The following ZDHHC1 variants were observed in gnomAD, a reference collection of about 807,000 sequenced individuals.
ZDHHC1 encodes zDHHC palmitoyltransferase 1.
Under a neutral mutation model 46.9 loss-of-function variants are expected in ZDHHC1, and 45 were observed. The observed-to-expected ratio is 0.96, with a 90% CI of 0.76 to 1.23. ZDHHC1 has a LOEUF of 1.23. ZDHHC1 is among the 50% of genes most tolerant of loss of function. ZDHHC1 has a pLI of 0.00. For missense variants in ZDHHC1, 649 were observed against 670.8 expected, an observed-to-expected ratio of 0.97 and a Z score of 0.36; for synonymous variants, 291 against 286.0, an observed-to-expected ratio of 1.02 and a Z score of -0.18.
intron 8 of ZDHHC1, chr16:67,395,814 C>T (rs575230559): frequency 3.7e-5 from 20 of 539,290 alleles, no homozygotes; most frequent in African/African-American, 3.2e-4. Flanking sequence ...GGAAGGCTCC[C>T]AGCCCCCATG....
At chr16:67,409,985 G>A (rs1026481137) in intron 1 of ZDHHC1, among the ~76,000 whole-genome samples, 2 of 136,582 alleles carry the variant, frequency 1.5e-5, no homozygotes, top group African/African-American at 5.3e-5. Flanking sequence ...GACAGGTGGC[G>A]GGGGTGGGGG....
Position 67,400,975 on chromosome 16 carries a change from T to C in ZDHHC1, c.410A>G (p.Asn137Ser). The stretch of plus-strand genomic sequence containing the variant: ...CACTCACACATCCACGTTGCACAAG[T>C]TGCAGTGCAGGTCTTCAATGACATG... The part of the protein sequence containing the change: ...HAHVIEDLHC[N>S]LCNVDVSARS... Residue 137 changes from asparagine to serine, a missense_variant, in exon 4 of 12, where the codon AAC becomes AGC. Asn to Ser is a conservative substitution (Grantham distance 46). Transcript: ENST00000565726. 1 of 1,613,980 alleles carries C rather than the reference T, an allele frequency of 6.2e-7. No homozygotes were observed. Among genetic ancestry groups the C allele is most frequent in the Non-Finnish European group, 8.5e-7 (1 of 1,179,996 alleles).
rs571298307 is a variant in ZDHHC1, at chr16:67,394,569, G to C, written c.*41C>G. ...GGATGGGGTGTTGCATAGAGAGTCA[G>C]GCCGGCCGCTCTAACTCGGCCCTCC... is the stretch of plus-strand genomic sequence containing the variant. On this transcript the variant is annotated 3_prime_UTR_variant, in exon 12 of 12. Transcript: ENST00000565726. The C allele has an allele frequency of 1.2e-4, 135 of 1,139,222 alleles. 1 individual carries two copies. The South Asian group carries it at 2.2e-3, about 19-fold the overall frequency. The allele number at this position is 1,139,222 out of a possible 1,614,324, so 70.6% of individuals were successfully genotyped here.
chr16:67,406,589 G>T lies in ZDHHC1; in HGVS notation c.10-147C>A. ...GAAACTGGGGTCCTAGCACAATAGA[G>T]ATGGGCAGTGGGGAGAGGGTGGGAG... On this transcript the variant is annotated intron_variant, in intron 2 of 11. Coordinates refer to ENST00000565726, the MANE Select transcript of ZDHHC1 (RefSeq NM_001323627.2). This position sits in a 1 kb window ranked among gnomAD's most constrained non-coding sequence, Gnocchi z 4.1. 9.4e-7 allele frequency: 1 copy of T among 1,063,492 alleles called. No homozygotes were observed. The highest frequency in any genetic ancestry group is 1.3e-6 in the Non-Finnish European group (1 of 769,930). 65.9% of individuals were successfully genotyped at this position (1,063,492 alleles called of 1,614,324 possible).
chr16:67,398,999 C>A, intron 5 of ZDHHC1, 55 bp from the exon 6 acceptor site: 1 of 1,588,670 alleles, frequency 6.3e-7, no homozygotes, highest in South Asian at 1.1e-5. Flanking sequence ...CTCAGAAGGC[C>A]CATAGGAGTT....
Position 67,398,674 on chromosome 16 carries a change from G to T in ZDHHC1, c.713C>A (p.Thr238Asn). The T allele has an allele frequency of 1.9e-6, 3 of 1,608,044 alleles. No individual in the cohort carries two copies. Among genetic ancestry groups the T allele is most frequent in the Non-Finnish European group, 2.5e-6 (3 of 1,178,066 alleles). ...CAGGGCCAGGATGGCAGGGGCCTGG[G>T]TCTCCACGGGGGCGGCAGGCAGGAA... is the stretch of plus-strand genomic sequence containing the variant. ...FVFLPAAPVE[T>N]QAPAILALAA... Residue 238 changes from threonine (T) to asparagine (N), a missense_variant, in exon 7 of 12, where the codon ACC (threonine) becomes AAC (asparagine). Coordinates refer to ENST00000565726, the MANE Select transcript of ZDHHC1 (RefSeq NM_001323627.2).
intron 8 of ZDHHC1, among the ~76,000 whole-genome samples, chr16:67,397,827 G>A (rs2040461000): frequency 6.6e-6 from 1 of 152,214 alleles, no homozygotes; most frequent in Non-Finnish European, 1.5e-5. Flanking sequence ...ATAAATTAGG[G>A]TAATGGGTAT....
chr16:67,397,720 C>G (rs547716064), intron 8 of ZDHHC1, among the ~76,000 whole-genome samples: 1 of 152,170 alleles, frequency 6.6e-6, no homozygotes, highest in Non-Finnish European at 1.5e-5. Flanking sequence ...CTGGCCAGGC[C>G]GGCCAGAGCG....
Position 67,394,575 on chromosome 16 carries a change from C to T in ZDHHC1, c.*35G>A. 8.7e-7 allele frequency: 1 copy of T among 1,146,348 alleles called. No homozygotes were observed. Among genetic ancestry groups the T allele is most frequent in the Non-Finnish European group, 1.1e-6 (1 of 933,792 alleles). The allele number at this position is 1,146,348 out of a possible 1,614,324, so 71.0% of individuals were successfully genotyped here. The stretch of plus-strand genomic sequence containing the variant: ...GGTGTTGCATAGAGAGTCAGGCCGG[C>T]CGCTCTAACTCGGCCCTCCGGCCTC... On this transcript the variant is annotated 3_prime_UTR_variant, in exon 12 of 12. Transcript: ENST00000565726.
chr16:67,400,836 C>G (rs1415556136), intron 4 of ZDHHC1, 121 bp downstream of exon 4: 2 of 1,200,528 alleles, frequency 1.7e-6, no homozygotes, highest in Non-Finnish European at 2.3e-6. Flanking sequence ...CATCAAGGTT[C>G]TTGACTGCAT....
At position 67,407,682 on chromosome 16, in the gene ZDHHC1, T is replaced by C. The variant is rs745451026; in HGVS notation, c.9+85A>G. 3 of 776,548 alleles carry C rather than the reference T, an allele frequency of 3.9e-6. No homozygotes were observed. The Admixed American group carries it at 5.1e-5, about 13-fold the overall frequency. The allele number at this position is 776,548 out of a possible 1,614,324, so 48.1% of individuals were successfully genotyped here. A position where few individuals can be genotyped will look rare whatever the true frequency, so the allele number is the denominator to read the frequency against. ...TCATGTCTGCCCTCATTAGGACAAC[T>C]TTCCCCAAAGGCAGCAAATGTGCTG... On this transcript the variant is annotated intron_variant, in intron 2 of 11. Transcript: ENST00000565726.
At chr16:67,404,794 A>T in intron 3 of ZDHHC1, 1 of 448,926 alleles carries the variant, frequency 2.2e-6, no homozygotes, top group Admixed American at 2.4e-5. Context: ...AAAGTGGCTG[A>T]CGCAGGGCCT....
At chr16:67,414,844 G>A (rs927097217) in intron 1 of ZDHHC1, among the ~76,000 whole-genome samples, 1 of 152,264 alleles carries the variant, frequency 6.6e-6, no homozygotes, top group Non-Finnish European at 1.5e-5. Flanking sequence ...CTGCTCAGCA[G>A]CCAGAGTGAA....
intron 1 of ZDHHC1, among the ~76,000 whole-genome samples, chr16:67,410,171 C>A (rs1186269281): frequency 6.6e-6 from 1 of 152,120 alleles, no homozygotes; most frequent in Admixed American, 6.5e-5. Flanking sequence ...GCTCAGGGTG[C>A]TTTGGAAAAC....
At position 67,394,661 on chromosome 16, in the gene ZDHHC1, C is replaced by CGGGCTCACGAAAACGGCG; in HGVS notation, c.1380_1397dup (p.Ala461_Pro466dup). The CGGGCTCACGAAAACGGCG allele has an allele frequency of 8.0e-7, 1 of 1,243,808 alleles. No individual in the cohort carries two copies. Among genetic ancestry groups the CGGGCTCACGAAAACGGCG allele is most frequent in the Non-Finnish European group, 1.0e-6 (1 of 996,152 alleles). 77.0% of individuals were successfully genotyped at this position (1,243,808 alleles called of 1,614,324 possible). A position where few individuals can be genotyped will look rare whatever the true frequency, so the allele number is the denominator to read the frequency against. On this transcript the variant is annotated inframe_insertion, in exon 12 of 12. Transcript: ENST00000565726. ...CCGGCGCCCTGGGCTCGCCGCTGCTCGGGCTCACGAAAACGGCGGGCGCAC... is the reference window on the plus strand; with the variant it reads ...CCGGCGCCCTGGGCTCGCCGCTGCTCGGGCTCACGAAAACGGCGGGGCTCACGAAAACGGCGGGCGCAC...
Position 67,399,472 on chromosome 16 carries a change from G to A in ZDHHC1, c.429-16C>T, listed in dbSNP as rs372264298. The A allele has an allele frequency of 1.8e-5, 28 of 1,599,416 alleles. No individual in the cohort carries two copies. Among genetic ancestry groups the A allele is most frequent in the Admixed American group, 8.4e-5 (5 of 59,376 alleles). On this transcript the variant is annotated splice_polypyrimidine_tract_variant and intron_variant, in intron 4 of 11. Transcript: ENST00000565726. ...GCGAGCGCTCCTGCAGGGAGAGGGGGCACAGCGCGATTGGCCGGCTCATTC... is the reference window on the plus strand; with the variant it reads ...GCGAGCGCTCCTGCAGGGAGAGGGGACACAGCGCGATTGGCCGGCTCATTC...
chr16:67,405,346 G>A (rs1417073428), intron 3 of ZDHHC1, among the ~76,000 whole-genome samples: 2 of 152,212 alleles, frequency 1.3e-5, no homozygotes, highest in Non-Finnish European at 2.9e-5. Context: ...GCTCGGTCCC[G>A]TGCAGCTCTG....
Position 67,395,108 on chromosome 16 carries a change from A to G in ZDHHC1, c.1105-46T>C, listed in dbSNP as rs1239991346. On this transcript the variant is annotated intron_variant, in intron 10 of 11. Transcript: ENST00000565726. ...CTGAGGGCCCCACATCGCCAAAAGAAGCAGAGGCGAGCGCCAGGGTAGAGG... is the reference window on the plus strand; with the variant it reads ...CTGAGGGCCCCACATCGCCAAAAGAGGCAGAGGCGAGCGCCAGGGTAGAGG... 1.9e-5 allele frequency: 30 copies of G among 1,613,118 alleles called. No individual in the cohort carries two copies. Among genetic ancestry groups the G allele is most frequent in the Non-Finnish European group, 2.5e-5 (29 of 1,179,934 alleles).
intron 3 of ZDHHC1, among the ~76,000 whole-genome samples, chr16:67,402,744 A>C (rs1597540705): frequency 6.6e-6 from 1 of 151,874 alleles, no homozygotes; most frequent in Admixed American, 6.6e-5. Context: ...CTCCTGCCTC[A>C]GCCTCCCGAG....
Sources: allele counts gnomAD v4.1 joint callset (sites outside exome capture counted in the v4.1 genomes callset), GRCh38; gene constraint gnomAD v4.1.1; non-coding constraint Gnocchi (gnomAD v3.1); transcripts MANE v1.5; gene names NCBI Gene and HGNC (gene_info 2026-07-23, HGNC 2026-07-21).